The following NCOA2 variants were observed in gnomAD, a reference collection of about 807,000 sequenced individuals.
NCOA2 encodes class E basic helix-loop-helix protein 75.
Under a neutral mutation model 145.1 loss-of-function variants are expected in NCOA2, and 21 were observed. The ratio of observed to expected loss-of-function variants is 0.14; its 90% CI spans 0.10 to 0.21. The LOEUF is 0.21. NCOA2 is among the 10% of genes least tolerant of loss of function. NCOA2 has a pLI of 1.00. For synonymous variants in NCOA2, 619 were observed against 637.5 expected, an observed-to-expected ratio of 0.97 and a Z score of 0.44; for missense variants, 1,472 against 1,837.6, an observed-to-expected ratio of 0.80 and a Z score of 3.64.
chr8:70,263,272 G>A (rs921223414), intron 2 of NCOA2, among the ~76,000 whole-genome samples: 1 of 149,622 alleles, frequency 6.7e-6, no homozygotes, highest in African/African-American at 2.5e-5. Flanking sequence ...CCCCTCCTGG[G>A]CAGGACAGAA....
At chr8:70,317,240 C>T (rs1199561782) in intron 1 of NCOA2, among the ~76,000 whole-genome samples, 1 of 152,110 alleles carries the variant, frequency 6.6e-6, no homozygotes, top group East Asian at 1.9e-4. Flanking sequence ...AAATCACTGG[C>T]TAGTCAGTCA....
intron 1 of NCOA2, among the ~76,000 whole-genome samples, chr8:70,396,028 C>T (rs1021109939): frequency 6.6e-6 from 1 of 152,194 alleles, no homozygotes; most frequent in African/African-American, 2.4e-5. Flanking sequence ...CAGAAGAATT[C>T]CACAAATAGC....
the NCOA2 span, among the ~76,000 whole-genome samples, chr8:70,435,317 C>T: frequency 7.8e-5 from 11 of 140,616 alleles, no homozygotes; most frequent in South Asian, 2.4e-4. Context: ...CCCAGCTACT[C>T]GGGAGGCTGA....
chr8:70,318,160 T>G (rs1441974748), intron 1 of NCOA2, among the ~76,000 whole-genome samples: 1 of 152,140 alleles, frequency 6.6e-6, no homozygotes, highest in Admixed American at 6.5e-5. Context: ...CCATGCTGAG[T>G]GCAGTCATAA....
At chr8:70,137,007 C>T (rs1214719361) in intron 15 of NCOA2, among the ~76,000 whole-genome samples, 1 of 152,218 alleles carries the variant, frequency 6.6e-6, no homozygotes, top group Non-Finnish European at 1.5e-5. Flanking sequence ...CATGCTAGGG[C>T]AGTGCTGAGT....
At chr8:70,406,457 A>T (rs1279371781), upstream of NCOA2, among the ~76,000 whole-genome samples, 1 of 152,220 alleles carries the variant, frequency 6.6e-6, no homozygotes, top group Non-Finnish European at 1.5e-5. Flanking sequence ...AAGAAGAAGG[A>T]AAGAAAAAAG....
chr8:70,110,642 T>C lies in NCOA2; in HGVS notation c.*2990A>G, dbSNP rs1806457494. ...GATCTGTGCCACCCATTTCATGTGT[T>C]AAGCCCATATGAACTCCATTTTTGA... On this transcript the variant is annotated 3_prime_UTR_variant, in exon 23 of 23. Coordinates refer to ENST00000452400, the MANE Select transcript of NCOA2 (RefSeq NM_006540.4). 1 of 211,642 alleles carries C rather than the reference T, an allele frequency of 4.7e-6. No individual in the cohort carries two copies. The highest frequency in any genetic ancestry group is 2.3e-5 in the African/African-American group (1 of 44,204). The allele number at this position is 211,642 out of a possible 1,614,324, so 13.1% of individuals were successfully genotyped here.
chr8:70,149,812 CG>C (rs1350315300), intron 11 of NCOA2, among the ~76,000 whole-genome samples: 1 of 152,158 alleles, frequency 6.6e-6, no homozygotes, highest in Non-Finnish European at 1.5e-5. Flanking sequence ...AAGTGGAAAA[CG>C]TAAGTTAGTT....
upstream of NCOA2, among the ~76,000 whole-genome samples, chr8:70,405,490 A>G (rs992541791): frequency 3.2e-5 from 3 of 92,814 alleles, no homozygotes. Flanking sequence ...TAATAGAATT[A>G]TGTTCCCAAA....
intron 1 of NCOA2, among the ~76,000 whole-genome samples, chr8:70,330,784 C>A (rs1298035089): frequency 1.3e-5 from 2 of 152,048 alleles, no homozygotes; most frequent in Non-Finnish European, 2.9e-5. Context: ...GTTATGCTTA[C>A]GCAATCTTAA....
intron 2 of NCOA2, among the ~76,000 whole-genome samples, chr8:70,243,269 G>C (rs1463785444): frequency 6.6e-6 from 1 of 152,088 alleles, no homozygotes; most frequent in Non-Finnish European, 1.5e-5. Context: ...CATGGATGCA[G>C]ACCAGTTAAA....
At chr8:70,401,016 T>G (rs569325869) in intron 1 of NCOA2, among the ~76,000 whole-genome samples, 5 of 152,240 alleles carry the variant, frequency 3.3e-5, no homozygotes, top group African/African-American at 1.2e-4. Flanking sequence ...CTCCCAAAGA[T>G]TCTACAAATT....
At chr8:70,227,705 T>C (rs1310654027) in intron 2 of NCOA2, among the ~76,000 whole-genome samples, 2 of 152,094 alleles carry the variant, frequency 1.3e-5, no homozygotes, top group Admixed American at 1.3e-4. Flanking sequence ...AAGATACCAA[T>C]TTTATCTCAT....
chr8:70,170,522 C>G (rs986427733), intron 5 of NCOA2, 143 bp from the exon 6 acceptor site: 2 of 693,332 alleles, frequency 2.9e-6, no homozygotes, highest in African/African-American at 3.8e-5. Context: ...TCCCAGTTTT[C>G]AGGAACAATT....
At position 70,141,412 on chromosome 8, in the gene NCOA2, C is replaced by G. The variant is rs770598485; in HGVS notation, c.2813-13G>C. The G allele has an allele frequency of 5.0e-6, 8 of 1,609,968 alleles. No homozygotes were observed. The highest frequency in any genetic ancestry group is 6.8e-6 in the Non-Finnish European group (8 of 1,177,070). On this transcript the variant is annotated splice_polypyrimidine_tract_variant and intron_variant, in intron 13 of 22. Transcript: ENST00000452400. ...TTACCAATCATTCCTGCATGCAAGC[C>G]AAAGAAAACTGAGAGATGCAGTAAC...
chr8:70,213,782 T>C, intron 4 of NCOA2, 121 bp downstream of exon 4: 1 of 810,426 alleles, frequency 1.2e-6, no homozygotes, highest in Non-Finnish European at 1.9e-6. Flanking sequence ...CACTGTGACA[T>C]CATTTCCTCA....
chr8:70,147,210 G>A (rs983116486), intron 12 of NCOA2, among the ~76,000 whole-genome samples: 1 of 151,442 alleles, frequency 6.6e-6, no homozygotes, highest in African/African-American at 2.4e-5. Context: ...TCGGACCACT[G>A]CAACCTCCGC....
chr8:70,369,927 G>A (rs945050515), intron 1 of NCOA2, among the ~76,000 whole-genome samples: 7 of 151,674 alleles, frequency 4.6e-5, no homozygotes, highest in Non-Finnish European at 8.8e-5. Context: ...TTTGAGACAG[G>A]GTTTCATTCT....
intron 1 of NCOA2, among the ~76,000 whole-genome samples, chr8:70,360,886 C>G (rs1810134462): frequency 7.1e-6 from 1 of 141,242 alleles, no homozygotes; most frequent in Non-Finnish European, 1.5e-5. Flanking sequence ...TACAGTGAGC[C>G]AAGATCACAC....
Sources: gnomAD v4.1 joint callset for allele counts (sites outside exome capture counted in the v4.1 genomes callset) on GRCh38, gnomAD v4.1.1 for gene constraint, MANE v1.5 for transcripts, NCBI Gene and HGNC (gene_info 2026-07-23, HGNC 2026-07-21) for gene names.